The following DAB2IP variants were observed in gnomAD, a reference collection of about 807,000 sequenced individuals.
The protein encoded by DAB2IP is DAB2 interacting protein, also known as disabled homolog 2-interacting protein.
DAB2IP carries 28 observed loss-of-function variants against 107.2 expected under a neutral mutation model. The observed-to-expected ratio is 0.26, with a 90% CI of 0.19 to 0.36. The LOEUF (loss-of-function observed/expected upper bound fraction) is 0.36. Ranked by LOEUF, DAB2IP falls within the 10% of genes least tolerant of loss-of-function variation. The probability of loss-of-function intolerance (pLI) is 1.00; values close to 1 mark genes in which losing one functional copy is unlikely to be tolerated. For synonymous variants in DAB2IP, 755 were observed against 706.4 expected, an observed-to-expected ratio of 1.07 and a Z score of -1.09; for missense variants, 1,400 against 1,644.7, an observed-to-expected ratio of 0.85 and a Z score of 2.57.
rs78418497 is a variant in DAB2IP, at chr9:121,779,550, C to T, written c.3315-1914C>T. On this transcript the variant is annotated intron_variant, in intron 14 of 15. Coordinates refer to ENST00000408936, the Ensembl canonical transcript of DAB2IP. Reference sequence around the variant, plus strand: ...GAGGTTACTTGGAATCTGTTCAATCCTCTCAGGGTTTCCTTTTAAGTTTTG... The same window carrying T: ...GAGGTTACTTGGAATCTGTTCAATCTTCTCAGGGTTTCCTTTTAAGTTTTG... Among the ~76,000 whole-genome samples the T allele has an allele frequency of 8.1e-4, 123 of 152,298 alleles. 3 individuals carry two copies. The East Asian group carries it at 0.017, about 21-fold the overall frequency.
intron 1 of DAB2IP, among the ~76,000 whole-genome samples, chr9:121,569,612 G>A (rs1829886865): frequency 6.6e-6 from 1 of 152,208 alleles, no homozygotes; most frequent in Non-Finnish European, 1.5e-5. Context: ...TTGAAGTCAG[G>A]AGTTTGAGGC....
At chr9:121,655,467 G>A (rs1832932563) in intron 1 of DAB2IP, among the ~76,000 whole-genome samples, 1 of 152,224 alleles carries the variant, frequency 6.6e-6, no homozygotes. Context: ...CTTGGGTGCA[G>A]GGGCACATGG....
At chr9:121,682,105 C>T (rs111420253) in intron 2 of DAB2IP, among the ~76,000 whole-genome samples, 1,639 of 152,298 alleles carry the variant, frequency 0.011, 20 homozygotes, top group Non-Finnish European at 0.016. Context: ...TGGGGACAGT[C>T]CCTCACACAG....
chr9:121,653,893 C>G (rs1238545862), intron 1 of DAB2IP, among the ~76,000 whole-genome samples: 2 of 152,202 alleles, frequency 1.3e-5, no homozygotes, highest in Admixed American at 1.3e-4. Flanking sequence ...GAGACTGTCT[C>G]TGAACAGAAG....
chr9:121,581,339 A>G (rs956977703), intron 1 of DAB2IP, among the ~76,000 whole-genome samples: 5 of 152,166 alleles, frequency 3.3e-5, no homozygotes, highest in Non-Finnish European at 7.3e-5. Flanking sequence ...CCGTCCCCCA[A>G]TGTCCTTGGC....
Position 121,684,495 on chromosome 9 carries a change from A to G in DAB2IP, c.228+5714A>G, listed in dbSNP as rs997700559. On this transcript the variant is annotated intron_variant, in intron 2 of 15. Transcript: ENST00000408936. The surrounding 1 kb of genome is among the most constrained non-coding windows in gnomAD (Gnocchi z 4.0). ...GGAGGAATGGGTGTTCTTTGGTCCA[A>G]CTGCCCTCGGAGCCCCACGACAGCT... 1.3e-5 allele frequency among the ~76,000 whole-genome samples: 2 copies of G among 152,054 alleles called. No homozygotes were observed. The highest frequency in any genetic ancestry group is 2.9e-5 in the Non-Finnish European group (2 of 67,994).
chr9:121,729,735 T>C (rs572572027), intron 3 of DAB2IP, among the ~76,000 whole-genome samples: 22 of 152,274 alleles, frequency 1.4e-4, no homozygotes, highest in African/African-American at 4.8e-4. Flanking sequence ...CCCGATGGGG[T>C]GGAAAGTTTT....
chr9:121,780,084 C>T (rs1835494242), intron 14 of DAB2IP, among the ~76,000 whole-genome samples: 1 of 152,172 alleles, frequency 6.6e-6, no homozygotes, highest in South Asian at 2.1e-4. Flanking sequence ...TGGGGTCTCG[C>T]CATGTTACCC....
chr9:121,756,204 G>A (rs916111100), intron 3 of DAB2IP, among the ~76,000 whole-genome samples: 1 of 152,224 alleles, frequency 6.6e-6, no homozygotes, highest in Non-Finnish European at 1.5e-5. Flanking sequence ...GTCATCTGCG[G>A]TGCTTTCCCT....
At chr9:121,669,856 T>A (rs1217838227) in intron 1 of DAB2IP, among the ~76,000 whole-genome samples, 1 of 152,176 alleles carries the variant, frequency 6.6e-6, no homozygotes, top group African/African-American at 2.4e-5. Context: ...AAAAGGAGAA[T>A]AACGTGGTAT....
At position 121,760,224 on chromosome 9, in the gene DAB2IP, A is replaced by G; in HGVS notation, c.955A>G (p.Lys319Glu). The G allele has an allele frequency of 6.2e-7, 1 of 1,613,552 alleles. No homozygotes were observed. The highest frequency in any genetic ancestry group is 8.5e-7 in the Non-Finnish European group (1 of 1,179,976). ...GTACCCGGTGGTGACGCCCAACCCC[A>G]AGGGCGGCAAGGGCCCTGGACCCAT... The change falls in exon 6 of 16, where the codon AAG becomes GAG. Residue 319 changes from lysine to glutamate, a missense_variant. Lys to Glu is a moderately conservative substitution (Grantham distance 56). This residue lies in a region of DAB2IP where 517 missense variants were observed against 748.6 expected (regional missense o/e 0.69). Coordinates refer to ENST00000408936, the Ensembl canonical transcript of DAB2IP. The surrounding 1 kb of genome is among the most constrained non-coding windows in gnomAD (Gnocchi z 5.9).
chr9:121,773,329 G>A lies in DAB2IP; in HGVS notation c.2801G>A (p.Arg934Gln), dbSNP rs777357265. 7.6e-5 allele frequency: 104 copies of A among 1,377,070 alleles called. No individual in the cohort carries two copies. Among genetic ancestry groups the A allele is most frequent in the Non-Finnish European group, 8.5e-5 (89 of 1,047,664 alleles). The allele number at this position is 1,377,070 out of a possible 1,614,324, so 85.3% of individuals were successfully genotyped here. Residue 934 changes from arginine (R) to glutamine (Q), a missense_variant, in exon 12 of 16, where the codon CGG (arginine) becomes CAG (glutamine). Coordinates refer to ENST00000408936, the Ensembl canonical transcript of DAB2IP. ...CCGCCACCTCCTGCCCCCCGCGGCC[G>A]GACGCCCCCCAACCTGCTGAGCACC...
intron 3 of DAB2IP, among the ~76,000 whole-genome samples, chr9:121,715,820 G>C (rs548427527): frequency 6.6e-6 from 1 of 152,242 alleles, no homozygotes; most frequent in African/African-American, 2.4e-5. Flanking sequence ...GTTGTCTGCA[G>C]AGGTGGGTGG....
In DAB2IP at chr9:121,684,602, C is replaced by T. The variant is rs933492381; in HGVS notation, c.228+5821C>T. Reference sequence around the variant, plus strand: ...GTAGAGGGACCCGAAGTTTGGGCTGCGGGCTGCCTGAAGGAGGAATGCATG... The same window carrying T: ...GTAGAGGGACCCGAAGTTTGGGCTGTGGGCTGCCTGAAGGAGGAATGCATG... On this transcript the variant is annotated intron_variant, in intron 2 of 15. Transcript: ENST00000408936. This position sits in a 1 kb window ranked among gnomAD's most constrained non-coding sequence, Gnocchi z 4.0. Among the ~76,000 whole-genome samples the T allele has an allele frequency of 5.9e-5, 9 of 152,282 alleles. No individual in the cohort carries two copies. The highest frequency in any genetic ancestry group is 1.2e-4 in the African/African-American group (5 of 41,570).
At chr9:121,748,976 C>T (rs1433958818) in intron 3 of DAB2IP, among the ~76,000 whole-genome samples, 2 of 152,330 alleles carry the variant, frequency 1.3e-5, no homozygotes, top group East Asian at 3.9e-4. Context: ...TACCCCTTAC[C>T]TTGGCCTGAG....
chr9:121,688,204 G>C (rs372693838), intron 2 of DAB2IP, among the ~76,000 whole-genome samples: 1 of 152,160 alleles, frequency 6.6e-6, no homozygotes, highest in Non-Finnish European at 1.5e-5. Context: ...AAAATGAAAC[G>C]ATCAAGTGGT....
At chr9:121,592,365 C>CAA (rs999409255) in intron 1 of DAB2IP, among the ~76,000 whole-genome samples, 2 of 134,910 alleles carry the variant, frequency 1.5e-5, no homozygotes, top group African/African-American at 5.5e-5. Flanking sequence ...GACTCCATCT[C>CAA]AAAAAAAAAA....
intron 1 of DAB2IP, among the ~76,000 whole-genome samples, chr9:121,567,490 T>C (rs917734260): frequency 2.0e-5 from 3 of 152,144 alleles, no homozygotes; most frequent in Non-Finnish European, 2.9e-5. Context: ...CTGCTTCTGT[T>C]TTGCTCCTGG....
Position 121,759,081 on chromosome 9 carries a change from G to A in DAB2IP, c.615+85G>A, listed in dbSNP as rs185715617. ...AAACAAGAGAGACTATCTCTGTGGTGTGGGCTGGGATTGGGGGTGGTCAGC... is the reference window on the plus strand; with the variant it reads ...AAACAAGAGAGACTATCTCTGTGGTATGGGCTGGGATTGGGGGTGGTCAGC... On this transcript the variant is annotated intron_variant, in intron 5 of 15. Coordinates refer to ENST00000408936, the Ensembl canonical transcript of DAB2IP. The A allele has an allele frequency of 4.8e-5, 67 of 1,399,830 alleles. No homozygotes were observed. In the African/African-American group the frequency reaches 8.7e-4, roughly 18 times the overall value. 86.7% of individuals were successfully genotyped at this position (1,399,830 alleles called of 1,614,324 possible). A position where few individuals can be genotyped will look rare whatever the true frequency, so the allele number is the denominator to read the frequency against.
Sources: allele counts gnomAD v4.1 joint callset (sites outside exome capture counted in the v4.1 genomes callset), GRCh38; gene constraint gnomAD v4.1.1; regional missense constraint gnomAD v4.1.1; non-coding constraint Gnocchi (gnomAD v3.1); transcripts MANE v1.5; gene names NCBI Gene and HGNC (gene_info 2026-07-23, HGNC 2026-07-21).